FNDC3A: variants seen among roughly 807,000 people sequenced by gnomAD.
FNDC3A encodes the protein fibronectin type III domain containing 3A.
A neutral mutation model predicts 148.9 loss-of-function variants in FNDC3A; 32 were observed. That is an observed-to-expected ratio of 0.21 (90% CI 0.16 to 0.29). The LOEUF is 0.29. Among genes scored for constraint, FNDC3A ranks in the 10% least tolerant of loss-of-function variants. FNDC3A has a pLI of 1.00. For synonymous variants in FNDC3A, 472 were observed against 473.6 expected (o/e 1.00, Z 0.04); for missense variants, 1,191 against 1,452.8 (o/e 0.82, Z 2.93).
At chr13:49,205,907 A>G (rs1231179272) in intron 25 of FNDC3A, among the ~76,000 whole-genome samples, 2 of 151,712 alleles carry the variant, frequency 1.3e-5, no homozygotes, top group African/African-American at 4.9e-5. Flanking sequence ...CAGAGATCTT[A>G]CTTTACTTTG....
chr13:49,045,397 C>T (rs1311920911), intron 2 of FNDC3A: 3 of 160,400 alleles, frequency 1.9e-5, no homozygotes, highest in African/African-American at 7.2e-5. Context: ...CAAGGATACT[C>T]CTGCCTCAGC....
intron 1 of FNDC3A, among the ~76,000 whole-genome samples, chr13:48,993,489 A>T (rs1048048274): frequency 3.9e-5 from 6 of 152,230 alleles, no homozygotes; most frequent in Non-Finnish European, 5.9e-5. Flanking sequence ...TTTCATTTTT[A>T]AAAATCTCAT....
chr13:49,185,463 A>G (rs541692587), intron 14 of FNDC3A, among the ~76,000 whole-genome samples: 3 of 152,252 alleles, frequency 2.0e-5, no homozygotes, highest in Admixed American at 6.5e-5. Context: ...GTTCCTCACC[A>G]CATGAGTTTT....
At chr13:49,136,687 T>C in intron 6 of FNDC3A, 86 bp downstream of exon 6, 3 of 1,342,566 alleles carry the variant, frequency 2.2e-6, no homozygotes, top group Non-Finnish European at 3.1e-6. Flanking sequence ...CTTTCAGTCA[T>C]TTTGTCATGG....
chr13:49,115,193 G>A lies in FNDC3A; in HGVS notation c.252+462G>A, dbSNP rs868786042. Among the ~76,000 whole-genome samples the A allele has an allele frequency of 2.8e-5, 3 of 107,224 alleles. No homozygotes were observed. In the East Asian group the frequency reaches 7.7e-4, roughly 27 times the overall value. The allele number at this position is 107,224 out of a possible 152,430, so 70.3% of individuals were successfully genotyped here. On this transcript the variant is annotated intron_variant, in intron 4 of 25. Transcript: ENST00000492622. Reference sequence around the variant, plus strand: ...CAACCCTGAGGGATGAGGGGGGGGGGGAAATAAAAAAAAAAAATCAGTATC... The same window carrying A: ...CAACCCTGAGGGATGAGGGGGGGGGAGAAATAAAAAAAAAAAATCAGTATC...
At chr13:49,201,987 T>G (rs761162661) in intron 24 of FNDC3A, 21 bp downstream of exon 24, 1 of 1,391,238 alleles carries the variant, frequency 7.2e-7, no homozygotes, top group South Asian at 1.6e-5. Context: ...CATCCTGAAC[T>G]TATTTTCTTT....
At chr13:49,137,940 T>G (rs944042535) in intron 6 of FNDC3A, among the ~76,000 whole-genome samples, 1 of 152,204 alleles carries the variant, frequency 6.6e-6, no homozygotes, top group Admixed American at 6.5e-5. Context: ...GAAATGACTA[T>G]GAACCATACC....
intron 8 of FNDC3A, among the ~76,000 whole-genome samples, chr13:49,158,101 C>T (rs933704293): frequency 4.6e-5 from 7 of 152,224 alleles, no homozygotes; most frequent in African/African-American, 7.2e-5. Flanking sequence ...AGGGCAATGG[C>T]GGGCGCCCCT....
chr13:49,101,384 A>T (rs1879847107), intron 3 of FNDC3A, among the ~76,000 whole-genome samples: 1 of 152,178 alleles, frequency 6.6e-6, no homozygotes, highest in African/African-American at 2.4e-5. Context: ...AATCAGAGTC[A>T]GGGTCAGAGT....
chr13:49,090,337 A>G (rs185567537), intron 3 of FNDC3A, among the ~76,000 whole-genome samples: 263 of 152,234 alleles, frequency 1.7e-3, no homozygotes, highest in African/African-American at 6.1e-3. Flanking sequence ...GAGGAGAATC[A>G]CTTGAGGTAG....
chr13:49,117,336 A>G (rs995583236), intron 4 of FNDC3A, among the ~76,000 whole-genome samples: 5 of 152,124 alleles, frequency 3.3e-5, no homozygotes, highest in African/African-American at 1.2e-4. Context: ...CATTTTCTTG[A>G]TACTTTCAAT....
intron 2 of FNDC3A, among the ~76,000 whole-genome samples, chr13:49,053,091 C>T (rs1041449312): frequency 2.0e-5 from 3 of 152,288 alleles, no homozygotes; most frequent in Non-Finnish European, 2.9e-5. Flanking sequence ...CCAACAGCAC[C>T]GAGTCTATTT....
At chr13:49,164,858 G>A (rs949374563) in intron 8 of FNDC3A, among the ~76,000 whole-genome samples, 5 of 152,100 alleles carry the variant, frequency 3.3e-5, no homozygotes, top group Admixed American at 6.5e-5. Context: ...CGCCTGCCTC[G>A]GCCTCCCGAA....
chr13:49,092,531 C>A (rs1291931550), intron 3 of FNDC3A, among the ~76,000 whole-genome samples: 1 of 152,130 alleles, frequency 6.6e-6, no homozygotes, highest in African/African-American at 2.4e-5. Flanking sequence ...CTTTGGCAAC[C>A]CTCACAGACA....
At chr13:49,035,210 A>T (rs977629458) in intron 2 of FNDC3A, among the ~76,000 whole-genome samples, 6 of 152,086 alleles carry the variant, frequency 3.9e-5, no homozygotes, top group Non-Finnish European at 8.8e-5. Context: ...CATGGCACCC[A>T]TGTGCAGGTA....
chr13:49,125,430 CTTAAAGTTGTT>C (rs1434803091), intron 4 of FNDC3A, among the ~76,000 whole-genome samples: 1 of 152,090 alleles, frequency 6.6e-6, no homozygotes, highest in Non-Finnish European at 1.5e-5. Context: ...TGTTTAAGAG[CTTAAAGTTGTT>C]TTGAGCTTAA....
intron 3 of FNDC3A, chr13:49,095,425 T>A (rs1040142628): frequency 6.6e-6 from 1 of 152,032 alleles, no homozygotes; most frequent in African/African-American, 2.4e-5. Context: ...TACAACTAAT[T>A]GATCACATCC....
At position 49,069,798 on chromosome 13, in the gene FNDC3A, G is replaced by A. The variant is rs145519898; in HGVS notation, c.100-5491G>A. Among the ~76,000 whole-genome samples the A allele has an allele frequency of 7.0e-3, 1,059 of 152,222 alleles. 11 individuals carry two copies. Among genetic ancestry groups the A allele is most frequent in the African/African-American group, 0.024 (991 of 41,538 alleles). On this transcript the variant is annotated intron_variant, in intron 2 of 25. Transcript: ENST00000492622. Reference sequence around the variant, plus strand: ...TGAGGTACACCATCAGAAATCCAAAGTTACACTGCTTAAAATTATTAAAAT... The same window carrying A: ...TGAGGTACACCATCAGAAATCCAAAATTACACTGCTTAAAATTATTAAAAT...
chr13:48,980,244 T>C (rs909545408), intron 1 of FNDC3A, among the ~76,000 whole-genome samples: 1 of 152,162 alleles, frequency 6.6e-6, no homozygotes, highest in Non-Finnish European at 1.5e-5. Context: ...TTGTATAAGG[T>C]TAGGTGTATC....
Sources: gnomAD v4.1 joint callset for allele counts (sites outside exome capture counted in the v4.1 genomes callset) on GRCh38, gnomAD v4.1.1 for gene constraint, MANE v1.5 for transcripts, NCBI Gene and HGNC (gene_info 2026-07-23, HGNC 2026-07-21) for gene names.